Variants in RSU1 observed in about 807,000 individuals in gnomAD.
RSU1 encodes the protein rsu-1.
Under a neutral mutation model 31.1 loss-of-function variants are expected in RSU1, and 26 were observed. The ratio of observed to expected loss-of-function variants is 0.84; its 90% CI spans 0.61 to 1.16. The LOEUF (loss-of-function observed/expected upper bound fraction) is 1.16. RSU1 is among the 50% of genes most tolerant of loss of function. The probability of loss-of-function intolerance (pLI) is 0.00; values close to 1 mark genes in which losing one functional copy is unlikely to be tolerated. For missense variants in RSU1, 320 were observed against 339.1 expected (o/e 0.94, Z 0.44); for synonymous variants, 164 against 136.3 (o/e 1.20, Z -1.41).
intron 8 of RSU1, among the ~76,000 whole-genome samples, chr10:16,613,979 C>T (rs139762569): frequency 3.2e-3 from 493 of 152,106 alleles, no homozygotes; most frequent in African/African-American, 0.011. Context: ...ACTACTGGGT[C>T]GGATTCAGGG....
intron 7 of RSU1, among the ~76,000 whole-genome samples, chr10:16,736,524 T>C (rs1300943843): frequency 6.6e-6 from 1 of 151,930 alleles, no homozygotes; most frequent in African/African-American, 2.4e-5. Flanking sequence ...TAACCAAAAA[T>C]TAACGACCTG....
intron 8 of RSU1, among the ~76,000 whole-genome samples, chr10:16,612,152 G>T (rs1488111208): frequency 2.0e-5 from 3 of 152,188 alleles, no homozygotes. Flanking sequence ...ATTCAAATGT[G>T]GTTGAAGCCA....
chr10:16,707,074 A>G (rs900875992), intron 7 of RSU1, among the ~76,000 whole-genome samples: 4 of 152,220 alleles, frequency 2.6e-5, no homozygotes, highest in Non-Finnish European at 5.9e-5. Context: ...GCAAATGAGA[A>G]GATTTCATAC....
chr10:16,593,144 G>A lies in RSU1; in HGVS notation c.*250C>T. 2.0e-6 allele frequency: 1 copy of A among 507,506 alleles called. No individual in the cohort carries two copies. The highest frequency in any genetic ancestry group is 3.1e-6 in the Non-Finnish European group (1 of 325,250). The allele number at this position is 507,506 out of a possible 1,614,324, so 31.4% of individuals were successfully genotyped here. A position where few individuals can be genotyped will look rare whatever the true frequency, so the allele number is the denominator to read the frequency against. Reference sequence around the variant, plus strand: ...AGAGCCCACTATGGAATTCGCAGTTGAATAAGAGCTTTGTTCCCTGCTTTT... The same window carrying A: ...AGAGCCCACTATGGAATTCGCAGTTAAATAAGAGCTTTGTTCCCTGCTTTT... On this transcript the variant is annotated 3_prime_UTR_variant, in exon 9 of 9. Coordinates refer to ENST00000345264, the MANE Select transcript of RSU1 (RefSeq NM_012425.4).
intron 7 of RSU1, among the ~76,000 whole-genome samples, chr10:16,710,205 G>C (rs1482499668): frequency 1.3e-5 from 2 of 152,138 alleles, no homozygotes; most frequent in Non-Finnish European, 2.9e-5. Context: ...AATTTGTTGA[G>C]TTTTTATGAA....
Position 16,591,337 on chromosome 10 carries a change from C to G in RSU1, c.*2057G>C, listed in dbSNP as rs575352445. On this transcript the variant is annotated 3_prime_UTR_variant, in exon 9 of 9. Transcript: ENST00000345264. ...TCTTGTGTATGCAATGCTATAAGGA[C>G]AATTCCTAAACATTGCAGTTTGTGG... 5 of 152,316 alleles carry G rather than the reference C, an allele frequency of 3.3e-5. No individual in the cohort carries two copies. Among genetic ancestry groups the G allele is most frequent in the African/African-American group, 4.8e-5 (2 of 41,580 alleles). The allele number at this position is 152,316 out of a possible 1,614,324, so 9.4% of individuals were successfully genotyped here. A position where few individuals can be genotyped will look rare whatever the true frequency, so the allele number is the denominator to read the frequency against.
At chr10:16,769,373 T>C (rs1837377900) in intron 3 of RSU1, among the ~76,000 whole-genome samples, 1 of 152,256 alleles carries the variant, frequency 6.6e-6, no homozygotes. Context: ...TGATGAATGC[T>C]ATTGTTGGTC....
intron 3 of RSU1, among the ~76,000 whole-genome samples, chr10:16,774,097 G>A (rs1312709069): frequency 5.8e-5 from 8 of 138,344 alleles, no homozygotes; most frequent in South Asian, 2.2e-4. Context: ...AAGGTATTCC[G>A]TTAAAAAAAA....
At chr10:16,751,415 C>T (rs1025028932) in intron 7 of RSU1, among the ~76,000 whole-genome samples, 13 of 152,196 alleles carry the variant, frequency 8.5e-5, no homozygotes, top group African/African-American at 3.1e-4. Flanking sequence ...CACGAAATCA[C>T]GTGACTGCCT....
At chr10:16,740,564 A>T (rs1225768373) in intron 7 of RSU1, among the ~76,000 whole-genome samples, 1 of 152,210 alleles carries the variant, frequency 6.6e-6, no homozygotes, top group African/African-American at 2.4e-5. Flanking sequence ...AGCTCTCATA[A>T]AGAGAAAATT....
intron 8 of RSU1, among the ~76,000 whole-genome samples, chr10:16,677,358 A>C (rs1321328429): frequency 6.6e-6 from 1 of 152,220 alleles, no homozygotes; most frequent in Non-Finnish European, 1.5e-5. Context: ...GTAGGAACAC[A>C]GAAGTCAATA....
Position 16,695,042 on chromosome 10 carries a change from G to A in RSU1, c.712C>T (p.Arg238Cys), listed in dbSNP as rs777737500. 14 of 1,612,630 alleles carry A rather than the reference G, an allele frequency of 8.7e-6. No homozygotes were observed. Among genetic ancestry groups the A allele is most frequent in the South Asian group, 5.5e-5 (5 of 90,948 alleles). The change falls in exon 8 of 9, where the codon CGT (arginine) becomes TGT (cysteine). Residue 238 changes from arginine (R) to cysteine (C), a missense_variant. Arg to Cys is a radical substitution (Grantham distance 180). Coordinates refer to ENST00000345264, the MANE Select transcript of RSU1 (RefSeq NM_012425.4). Reference sequence around the variant, plus strand: ...ACTTACTATTTGTATGTCTCAGAACGGATATACTCAAAAACATGGGACACG... The same window carrying A: ...ACTTACTATTTGTATGTCTCAGAACAGATATACTCAAAAACATGGGACACG... The part of the protein sequence containing the change: ...LGVSHVFEYI[R>C]SETYKYLYGR...
Position 16,744,423 on chromosome 10 carries a change from G to C in RSU1, c.598+8116C>G, listed in dbSNP as rs970459072. Among the ~76,000 whole-genome samples, 3 of 152,100 alleles carry C rather than the reference G, an allele frequency of 2.0e-5. No homozygotes were observed. The South Asian group carries it at 6.2e-4, about 32-fold the overall frequency. On this transcript the variant is annotated intron_variant, in intron 7 of 8. Transcript: ENST00000345264. ...AAAAAAAATCCCCAATGAAATAAGC[G>C]CTGTCACAAAAGGTAATGTTAAGAC...
chr10:16,701,783 C>T (rs980140109), intron 7 of RSU1, among the ~76,000 whole-genome samples: 2 of 151,894 alleles, frequency 1.3e-5, no homozygotes, highest in Admixed American at 6.6e-5. Flanking sequence ...ATCTGATGCT[C>T]TTCTTGGCCA....
intron 7 of RSU1, among the ~76,000 whole-genome samples, chr10:16,734,186 AG>A (rs1349442491): frequency 6.6e-6 from 1 of 152,236 alleles, no homozygotes; most frequent in Non-Finnish European, 1.5e-5. Context: ...TTTAAATGCA[AG>A]GGGGAAGAAA....
chr10:16,769,865 C>T (rs552448447), intron 3 of RSU1, among the ~76,000 whole-genome samples: 7 of 152,324 alleles, frequency 4.6e-5, no homozygotes, highest in East Asian at 1.9e-4. Context: ...ACACGTTCAA[C>T]GTGGATGCTA....
At chr10:16,693,736 C>T (rs1835614677) in intron 8 of RSU1, among the ~76,000 whole-genome samples, 1 of 152,042 alleles carries the variant, frequency 6.6e-6, no homozygotes, top group South Asian at 2.1e-4. Flanking sequence ...GTGGTGTGCT[C>T]CTGTAGTCCC....
chr10:16,622,166 T>A (rs1391532015), intron 8 of RSU1, among the ~76,000 whole-genome samples: 4 of 152,164 alleles, frequency 2.6e-5, no homozygotes, highest in Non-Finnish European at 1.5e-5. Flanking sequence ...ACAAAATACC[T>A]CCCCTGAAAA....
chr10:16,600,520 A>G (rs1489581733), intron 8 of RSU1, among the ~76,000 whole-genome samples: 2 of 150,198 alleles, frequency 1.3e-5, no homozygotes, highest in African/African-American at 5.0e-5. Context: ...GATTAAGCAG[A>G]TATATTATGC....
Sources: allele counts gnomAD v4.1 joint callset (sites outside exome capture counted in the v4.1 genomes callset), GRCh38; gene constraint gnomAD v4.1.1; transcripts MANE v1.5; gene names NCBI Gene and HGNC (gene_info 2026-07-23, HGNC 2026-07-21).